Variants in ITGBL1 observed in about 807,000 individuals in gnomAD.
ITGBL1 encodes the protein integrin subunit beta like 1.
ITGBL1 carries 51 observed loss-of-function variants against 68.5 expected under a neutral mutation model. The observed-to-expected ratio is 0.74, with a 90% CI of 0.59 to 0.94. The LOEUF is 0.94. Among genes scored for constraint, ITGBL1 ranks in the 40% least tolerant of loss-of-function variants. The pLI is 0.00. For missense variants in ITGBL1, 649 were observed against 647.4 expected, an observed-to-expected ratio of 1.00 and a Z score of -0.03; for synonymous variants, 209 against 227.3, an observed-to-expected ratio of 0.92 and a Z score of 0.72.
chr13:101,478,488 CA>C (rs773266075), intron 2 of ITGBL1, among the ~76,000 whole-genome samples: 3 of 151,876 alleles, frequency 2.0e-5, no homozygotes, highest in Non-Finnish European at 4.4e-5. Context: ...GTCAGACAAT[CA>C]GATAAGAAAA....
chr13:101,593,986 C>G (rs1376301896), intron 6 of ITGBL1, among the ~76,000 whole-genome samples: 1 of 151,986 alleles, frequency 6.6e-6, no homozygotes, highest in Non-Finnish European at 1.5e-5. Flanking sequence ...CATAATGCAA[C>G]CTATATATGT....
intron 2 of ITGBL1, among the ~76,000 whole-genome samples, chr13:101,476,061 A>G (rs2139651035): frequency 6.6e-6 from 1 of 152,294 alleles, no homozygotes; most frequent in South Asian, 2.1e-4. Flanking sequence ...ATATTATAGC[A>G]CTGTAATTGT....
chr13:101,484,174 G>T (rs1249836586), intron 2 of ITGBL1, among the ~76,000 whole-genome samples: 3 of 151,760 alleles, frequency 2.0e-5, no homozygotes, highest in African/African-American at 7.3e-5. Context: ...ATTTTTCCCA[G>T]CATTTTTCTA....
intron 7 of ITGBL1, among the ~76,000 whole-genome samples, chr13:101,672,074 A>G (rs1446249001): frequency 6.6e-6 from 1 of 152,240 alleles, no homozygotes; most frequent in Non-Finnish European, 1.5e-5. Context: ...TGCTACATTT[A>G]TGTAAATAAT....
intron 2 of ITGBL1, among the ~76,000 whole-genome samples, chr13:101,526,144 T>C (rs989274930): frequency 3.1e-5 from 2 of 63,566 alleles, no homozygotes; most frequent in African/African-American, 7.1e-5. Context: ...TTTCTTCTTC[T>C]TCTTCTTCTT....
downstream of ITGBL1, chr13:101,720,574 G>GTGTT (rs1566810203): frequency 6.6e-6 from 1 of 150,606 alleles, no homozygotes; most frequent in Non-Finnish European, 1.5e-5. Flanking sequence ...GTATATGTGT[G>GTGTT]TGTTTGTGTG....
intron 2 of ITGBL1, among the ~76,000 whole-genome samples, chr13:101,556,347 A>C (rs1170915263): frequency 6.6e-6 from 1 of 152,222 alleles, no homozygotes; most frequent in African/African-American, 2.4e-5. Flanking sequence ...TATAAGAAGA[A>C]GAAAAGAAGC....
At chr13:101,654,385 G>A (rs1049981896) in intron 7 of ITGBL1, among the ~76,000 whole-genome samples, 13 of 152,164 alleles carry the variant, frequency 8.5e-5, no homozygotes, top group African/African-American at 3.1e-4. Context: ...GGGGACAAAG[G>A]CCAACTAAGA....
intron 6 of ITGBL1, among the ~76,000 whole-genome samples, chr13:101,589,287 C>A (rs2050611387): frequency 6.6e-6 from 1 of 152,134 alleles, no homozygotes; most frequent in South Asian, 2.1e-4. Flanking sequence ...CTATGATATA[C>A]AGTAAGATAT....
chr13:101,565,819 C>T (rs937586294), intron 2 of ITGBL1, among the ~76,000 whole-genome samples: 5 of 152,048 alleles, frequency 3.3e-5, no homozygotes, highest in Non-Finnish European at 1.5e-5. Context: ...TCCATGAACC[C>T]ACTTCAGGGG....
intron 9 of ITGBL1, 127 bp downstream of exon 9, chr13:101,707,029 C>T: frequency 1.1e-6 from 1 of 882,498 alleles, no homozygotes; most frequent in Non-Finnish European, 1.7e-6. Context: ...CCTCTGCTGT[C>T]CCCAACTTGA....
intron 2 of ITGBL1, among the ~76,000 whole-genome samples, chr13:101,469,828 G>A (rs1163490139): frequency 3.9e-5 from 6 of 152,190 alleles, no homozygotes; most frequent in African/African-American, 1.4e-4. Flanking sequence ...GGAAAACTAA[G>A]CAGGCAGGTT....
intron 2 of ITGBL1, among the ~76,000 whole-genome samples, chr13:101,459,012 A>C (rs1408760380): frequency 2.0e-5 from 3 of 152,238 alleles, no homozygotes; most frequent in African/African-American, 7.2e-5. Context: ...AAGATGAATT[A>C]AAACTCATGC....
At chr13:101,579,772 A>G (rs1398679265) in intron 5 of ITGBL1, among the ~76,000 whole-genome samples, 1 of 152,192 alleles carries the variant, frequency 6.6e-6, no homozygotes, top group Non-Finnish European at 1.5e-5. Flanking sequence ...TAACAGAACC[A>G]TCTACAGCAT....
chr13:101,579,667 C>T (rs1432950133), intron 5 of ITGBL1, among the ~76,000 whole-genome samples: 1 of 152,102 alleles, frequency 6.6e-6, no homozygotes, highest in African/African-American at 2.4e-5. Flanking sequence ...AAACAGTTAA[C>T]TTAGGGACTG....
At chr13:101,647,764 G>A (rs1197432411) in intron 7 of ITGBL1, among the ~76,000 whole-genome samples, 2 of 152,150 alleles carry the variant, frequency 1.3e-5, no homozygotes, top group African/African-American at 2.4e-5. Flanking sequence ...TTTGGGTCAT[G>A]ACCTTGGAGA....
At chr13:101,538,959 C>T (rs994008235) in intron 2 of ITGBL1, among the ~76,000 whole-genome samples, 4 of 150,342 alleles carry the variant, frequency 2.7e-5, no homozygotes, top group African/African-American at 7.3e-5. Context: ...ATAACTTGCT[C>T]AAGTTCACAC....
intron 2 of ITGBL1, among the ~76,000 whole-genome samples, chr13:101,511,902 CA>C (rs1367280368): frequency 6.6e-6 from 1 of 152,084 alleles, no homozygotes; most frequent in East Asian, 1.9e-4. Flanking sequence ...TGTTATGCTG[CA>C]CTGGAAAATG....
intron 7 of ITGBL1, among the ~76,000 whole-genome samples, chr13:101,647,318 A>C (rs577036833): frequency 3.4e-4 from 52 of 152,214 alleles, no homozygotes; most frequent in Non-Finnish European, 7.1e-4. Flanking sequence ...ATCTATGATG[A>C]GAAAATATTT....
Sources: allele counts gnomAD v4.1 joint callset (sites outside exome capture counted in the v4.1 genomes callset), GRCh38; gene constraint gnomAD v4.1.1; transcripts MANE v1.5; gene names NCBI Gene and HGNC (gene_info 2026-07-23, HGNC 2026-07-21).